The following FRMPD2 variants were observed in gnomAD, a reference collection of about 807,000 sequenced individuals.
FRMPD2 encodes the protein FERM and PDZ domain containing 2.
A neutral mutation model predicts 140.1 loss-of-function variants in FRMPD2; 96 were observed. The observed-to-expected ratio is 0.69, with a 90% confidence interval of 0.58 to 0.81. FRMPD2 has a LOEUF of 0.81. FRMPD2 is among the 40% of genes least tolerant of loss of function. The pLI is 0.00. For missense variants in FRMPD2, 1,240 were observed against 1,447.4 expected (o/e 0.86, Z 2.32); for synonymous variants, 449 against 547.6 (o/e 0.82, Z 2.52).
At chr10:48,251,305 C>T (rs1840376306) in intron 2 of FRMPD2, among the ~76,000 whole-genome samples, 1 of 152,250 alleles carries the variant, frequency 6.6e-6, no homozygotes, top group Non-Finnish European at 1.5e-5. Flanking sequence ...AACACCAAGG[C>T]AGAAGCAAAG....
rs902058085 is a variant in FRMPD2, at chr10:48,274,511, A to G, written c.25+32T>C. On this transcript the variant is annotated intron_variant, in intron 1 of 28. Coordinates refer to ENST00000374201, the MANE Select transcript of FRMPD2 (RefSeq NM_001018071.4). ...GTTTGCCCTTTCCCTGACCAGATTTATAGGAGAAAACTGAATGATGCCAAG... is the reference window on the plus strand; with the variant it reads ...GTTTGCCCTTTCCCTGACCAGATTTGTAGGAGAAAACTGAATGATGCCAAG... 9 of 1,610,100 alleles carry G rather than the reference A, an allele frequency of 5.6e-6. No individual in the cohort carries two copies. The African/African-American group carries it at 1.2e-4, about 22-fold the overall frequency.
intron 5 of FRMPD2, 162 bp downstream of exon 5, chr10:48,241,999 T>A (rs2131948296): frequency 1.9e-6 from 1 of 523,652 alleles, no homozygotes; most frequent in Admixed American, 3.2e-5. Context: ...AATAGGGTCA[T>A]CACCTGCTAC....
chr10:48,170,384 C>T (rs1360874915), intron 26 of FRMPD2, among the ~76,000 whole-genome samples: 1 of 152,192 alleles, frequency 6.6e-6, no homozygotes, highest in Non-Finnish European at 1.5e-5. Flanking sequence ...GGTGGAATAA[C>T]TGCTCTTTCC....
intron 17 of FRMPD2, among the ~76,000 whole-genome samples, chr10:48,186,279 C>A (rs963958611): frequency 2.0e-5 from 3 of 152,196 alleles, no homozygotes; most frequent in African/African-American, 7.2e-5. Flanking sequence ...CCTTCCATGT[C>A]TCTCCCTCCC....
chr10:48,173,540 C>T (rs1243105441), intron 24 of FRMPD2, among the ~76,000 whole-genome samples: 4 of 151,942 alleles, frequency 2.6e-5, no homozygotes, highest in South Asian at 2.1e-4. Flanking sequence ...GCCAGTGACC[C>T]GCTGGGCCGT....
intron 15 of FRMPD2, among the ~76,000 whole-genome samples, chr10:48,196,110 G>A (rs1387345538): frequency 1.3e-5 from 2 of 152,124 alleles, no homozygotes; most frequent in African/African-American, 2.4e-5. Flanking sequence ...GCAGGCAGAG[G>A]GTATGCTGGG....
chr10:48,254,169 C>T (rs1840444746), intron 1 of FRMPD2, among the ~76,000 whole-genome samples: 1 of 152,192 alleles, frequency 6.6e-6, no homozygotes, highest in African/African-American at 2.4e-5. Context: ...GCCTGACCAA[C>T]CACAGTGTTA....
chr10:48,242,316 G>C lies in FRMPD2; in HGVS notation c.412C>G (p.Leu138Val). The change falls in exon 5 of 29, where the codon CTG becomes GTG. Residue 138 changes from leucine (L) to valine (V), a missense_variant. By Grantham distance (32) the Leu-to-Val change is conservative. Transcript: ENST00000374201. ...TGAGGCTGGTCTTCACACATGGTCA[G>C]CAGGATGGAGTGCAGGGGCTCGCAG... ...QLCEPLHSIL[L>V]TMCEDQPHRR... 2 of 1,614,058 alleles carry C rather than the reference G, an allele frequency of 1.2e-6. No individual in the cohort carries two copies.
At chr10:48,258,192 A>G (rs1840521395) in intron 1 of FRMPD2, among the ~76,000 whole-genome samples, 1 of 152,250 alleles carries the variant, frequency 6.6e-6, no homozygotes, top group African/African-American at 2.4e-5. Flanking sequence ...AGATCTGAAC[A>G]AAACTTGCCA....
At chr10:48,222,291 G>C (rs779585684) in intron 12 of FRMPD2, 22 bp downstream of exon 12, 1 of 1,608,644 alleles carries the variant, frequency 6.2e-7, no homozygotes, top group Non-Finnish European at 8.5e-7. Flanking sequence ...CCCACACAAA[G>C]GCCCCTGGTG....
chr10:48,246,278 G>A (rs1219081381), intron 3 of FRMPD2, among the ~76,000 whole-genome samples: 1 of 152,234 alleles, frequency 6.6e-6, no homozygotes, highest in Non-Finnish European at 1.5e-5. Flanking sequence ...AGTGCAGACA[G>A]AGCTCCAGCA....
At chr10:48,171,446 A>T (rs1403634757) in intron 25 of FRMPD2, among the ~76,000 whole-genome samples, 2 of 152,178 alleles carry the variant, frequency 1.3e-5, no homozygotes, top group African/African-American at 4.8e-5. Context: ...AAATAGCTAC[A>T]TTAAAATAAA....
chr10:48,239,508 G>C (rs377130821), intron 7 of FRMPD2, 97 bp downstream of exon 7: 2 of 800,358 alleles, frequency 2.5e-6, no homozygotes, highest in East Asian at 5.5e-5. Context: ...GGAGCAAGAG[G>C]CTTCTTACTA....
At chr10:48,161,341 A>G (rs1419784374) in intron 28 of FRMPD2, among the ~76,000 whole-genome samples, 2 of 151,200 alleles carry the variant, frequency 1.3e-5, no homozygotes, top group Middle Eastern at 3.4e-3. Context: ...CACTAAGCCA[A>G]ATTTAATTTG....
At chr10:48,178,891 A>G (rs1293964279) in intron 21 of FRMPD2, 1 of 152,346 alleles carries the variant, frequency 6.6e-6, no homozygotes. Context: ...CTGCTCCCTG[A>G]GAGAGCTTGG....
Position 48,180,402 on chromosome 10 carries a change from C to A in FRMPD2, c.2790+401G>T, listed in dbSNP as rs573538523. On this transcript the variant is annotated intron_variant, in intron 21 of 28. Coordinates refer to ENST00000374201, the MANE Select transcript of FRMPD2 (RefSeq NM_001018071.4). The stretch of plus-strand genomic sequence containing the variant: ...TTCCTCCATGGGGTATGGTCAAGAG[C>A]AAAGCCACTGAGTTCCCAGCTTGAG... Among the ~76,000 whole-genome samples the A allele has an allele frequency of 3.3e-5, 5 of 152,270 alleles. No homozygotes were observed. In the South Asian group the frequency reaches 1.0e-3, roughly 32 times the overall value.
At chr10:48,208,609 G>C (rs1839251626) in intron 13 of FRMPD2, among the ~76,000 whole-genome samples, 1 of 152,184 alleles carries the variant, frequency 6.6e-6, no homozygotes, top group African/African-American at 2.4e-5. Flanking sequence ...AAAAGGCCTG[G>C]AAACATAGGT....
chr10:48,212,772 C>T (rs1347852724), intron 12 of FRMPD2, among the ~76,000 whole-genome samples: 2 of 152,092 alleles, frequency 1.3e-5, no homozygotes, highest in Non-Finnish European at 2.9e-5. Context: ...GAGGCTGCAT[C>T]CCCCCAGGAG....
chr10:48,270,866 T>C (rs1840754985), intron 1 of FRMPD2, among the ~76,000 whole-genome samples: 1 of 152,214 alleles, frequency 6.6e-6, no homozygotes, highest in Admixed American at 6.5e-5. Context: ...ATCCGCCTGT[T>C]TCTCTCCAAC....
Sources: allele counts gnomAD v4.1 joint callset (sites outside exome capture counted in the v4.1 genomes callset), GRCh38; gene constraint gnomAD v4.1.1; transcripts MANE v1.5; gene names NCBI Gene and HGNC (gene_info 2026-07-23, HGNC 2026-07-21).